FSTL4: variants seen among roughly 807,000 people sequenced by gnomAD.
The protein encoded by FSTL4 is follistatin-related protein 4.
A neutral mutation model predicts 78.2 loss-of-function variants in FSTL4; 28 were observed. The observed-to-expected ratio is 0.36, with a 90% CI of 0.27 to 0.49. The LOEUF (loss-of-function observed/expected upper bound fraction) is 0.49. Ranked by LOEUF, FSTL4 falls within the 20% of genes least tolerant of loss-of-function variation. The probability of loss-of-function intolerance (pLI) is 0.98; values close to 1 mark genes in which losing one functional copy is unlikely to be tolerated. For synonymous variants in FSTL4, 422 were observed against 440.5 expected (o/e 0.96, Z 0.53); for missense variants, 922 against 1,084.9 (o/e 0.85, Z 2.11).
At chr5:133,723,662 C>T in the FSTL4 span, among the ~76,000 whole-genome samples, 7 of 152,204 alleles carry the variant, frequency 4.6e-5, no homozygotes, top group African/African-American at 1.7e-4. Flanking sequence ...GGCTGCTCAG[C>T]CAAGGCTCTG....
the FSTL4 span, among the ~76,000 whole-genome samples, chr5:133,706,971 G>C: frequency 2.6e-5 from 4 of 152,146 alleles, no homozygotes; most frequent in South Asian, 8.3e-4. Context: ...GCGAGGTAAA[G>C]GCACTCTCTC....
chr5:133,761,767 G>A, the FSTL4 span, among the ~76,000 whole-genome samples: 5 of 152,158 alleles, frequency 3.3e-5, no homozygotes, highest in East Asian at 5.8e-4. Context: ...GAAAGAGGCT[G>A]TAATGATGGC....
chr5:133,807,051 A>G, the FSTL4 span, among the ~76,000 whole-genome samples: 3 of 152,232 alleles, frequency 2.0e-5, no homozygotes, highest in Non-Finnish European at 4.4e-5. Context: ...ATGGATATTC[A>G]TGAGCATTCC....
the FSTL4 span, among the ~76,000 whole-genome samples, chr5:133,709,581 T>C: frequency 6.6e-6 from 1 of 152,256 alleles, no homozygotes; most frequent in African/African-American, 2.4e-5. Context: ...CTCTGCAGCA[T>C]TTCAGAGCAG....
intron 4 of FSTL4, among the ~76,000 whole-genome samples, chr5:133,366,452 C>T (rs1250575804): frequency 2.6e-5 from 4 of 152,088 alleles, no homozygotes; most frequent in African/African-American, 7.2e-5. Flanking sequence ...ACTGTTGTAT[C>T]GCCGGTGCTT....
At chr5:133,776,984 C>T in the FSTL4 span, among the ~76,000 whole-genome samples, 2 of 152,126 alleles carry the variant, frequency 1.3e-5, no homozygotes, top group African/African-American at 4.8e-5. Flanking sequence ...AGAGCCCACC[C>T]CTAAGATAGT....
At chr5:133,639,770 C>T in the FSTL4 span, among the ~76,000 whole-genome samples, 1 of 152,144 alleles carries the variant, frequency 6.6e-6, no homozygotes. Flanking sequence ...GTGGGACAAG[C>T]AAGCTTTTAT....
chr5:133,705,049 A>AAT, the FSTL4 span, among the ~76,000 whole-genome samples: 1 of 152,094 alleles, frequency 6.6e-6, no homozygotes, highest in East Asian at 1.9e-4. Context: ...AAGTTAGTGG[A>AAT]ATATATGTTT....
At chr5:133,750,670 C>G in the FSTL4 span, among the ~76,000 whole-genome samples, 2 of 152,188 alleles carry the variant, frequency 1.3e-5, no homozygotes, top group African/African-American at 4.8e-5. Context: ...AGCCACCTCC[C>G]TGTCCCGGCT....
chr5:133,725,158 C>A, the FSTL4 span, among the ~76,000 whole-genome samples: 1 of 152,322 alleles, frequency 6.6e-6, no homozygotes, highest in African/African-American at 2.4e-5. Context: ...AGCCCTCCAA[C>A]ACTGTTCTTC....
chr5:133,599,675 A>T (rs1213073093), intron 2 of FSTL4, among the ~76,000 whole-genome samples: 2 of 152,242 alleles, frequency 1.3e-5, no homozygotes, highest in African/African-American at 4.8e-5. Flanking sequence ...CCCACCATTC[A>T]ATCTCAGAGC....
intron 2 of FSTL4, among the ~76,000 whole-genome samples, chr5:133,589,673 C>T (rs1384833994): frequency 6.6e-6 from 1 of 152,176 alleles, no homozygotes; most frequent in African/African-American, 2.4e-5. Flanking sequence ...CCACCTCAAA[C>T]TCTGCTGCCC....
chr5:133,420,677 C>G (rs111981978), intron 3 of FSTL4, among the ~76,000 whole-genome samples: 7 of 152,168 alleles, frequency 4.6e-5, no homozygotes, highest in Non-Finnish European at 1.0e-4. Flanking sequence ...TCTGGAGCTG[C>G]TCAAACTGCA....
At chr5:133,487,877 C>T (rs1242524440) in intron 3 of FSTL4, among the ~76,000 whole-genome samples, 1 of 152,214 alleles carries the variant, frequency 6.6e-6, no homozygotes. Context: ...CTGGCTCTAA[C>T]TCTGCTGCTG....
rs140980949 is a variant in FSTL4 at position 133,324,167 on chromosome 5, A to T, written c.410-7515T>A. On this transcript the variant is annotated intron_variant, in intron 4 of 15. Coordinates refer to ENST00000265342, the MANE Select transcript of FSTL4 (RefSeq NM_015082.2). ...CATCAGCCACTTGTGCCCCTGCCAG[A>T]CTGTGCTCAAAGGGACCATCTTCAT... is the stretch of plus-strand genomic sequence containing the variant. Among the ~76,000 whole-genome samples, 80 of 152,330 alleles carry T rather than the reference A, an allele frequency of 5.3e-4. No homozygotes were observed. The East Asian group carries it at 0.014, about 27-fold the overall frequency.
intron 3 of FSTL4, among the ~76,000 whole-genome samples, chr5:133,523,128 T>C (rs1331109388): frequency 6.6e-6 from 1 of 152,154 alleles, no homozygotes; most frequent in Admixed American, 6.5e-5. Flanking sequence ...GGTGTCCTTA[T>C]AAGAAGAGAC....
the FSTL4 span, among the ~76,000 whole-genome samples, chr5:133,826,008 C>G: frequency 6.6e-6 from 1 of 152,196 alleles, no homozygotes; most frequent in Non-Finnish European, 1.5e-5. Context: ...GGCAAAAGGC[C>G]CCAAACACCA....
intron 4 of FSTL4, among the ~76,000 whole-genome samples, chr5:133,348,717 C>T (rs543464593): frequency 2.0e-5 from 3 of 152,218 alleles, no homozygotes; most frequent in South Asian, 2.1e-4. Context: ...GCTACCTCTG[C>T]TTCCTTGTGG....
In FSTL4 at chr5:133,255,032, C is replaced by A. The variant is rs115537831; in HGVS notation, c.728-5456G>T. Among the ~76,000 whole-genome samples, 1,037 of 152,306 alleles carry A rather than the reference C, an allele frequency of 6.8e-3. 15 individuals are homozygous for A. Among genetic ancestry groups the A allele is most frequent in the African/African-American group, 0.024 (997 of 41,564 alleles). On this transcript the variant is annotated intron_variant, in intron 6 of 15. Coordinates refer to ENST00000265342, the MANE Select transcript of FSTL4 (RefSeq NM_015082.2). ...GGGGCAACGAGTGGTCCTTCTGGCT[C>A]CTGGCTGTGGCTCCAATGCCCCTGT...
Sources: allele counts gnomAD v4.1 joint callset (sites outside exome capture counted in the v4.1 genomes callset), GRCh38; gene constraint gnomAD v4.1.1; transcripts MANE v1.5; gene names NCBI Gene and HGNC (gene_info 2026-07-23, HGNC 2026-07-21).